INPP5D: variants seen among roughly 807,000 people sequenced by gnomAD.
The protein encoded by INPP5D is phosphatidylinositol 3,4,5-trisphosphate 5-phosphatase 1.
A neutral mutation model predicts 122.9 loss-of-function variants in INPP5D; 33 were observed. The ratio of observed to expected loss-of-function variants is 0.27; its 90% CI spans 0.20 to 0.36. INPP5D has a LOEUF of 0.36. Ranked by LOEUF, INPP5D falls within the 10% of genes least tolerant of loss-of-function variation. The pLI, the probability that INPP5D is intolerant of heterozygous loss-of-function variation, is 1.00. For missense variants in INPP5D, 1,053 were observed against 1,412.7 expected (o/e 0.75, Z 4.08); for synonymous variants, 584 against 576.2 (o/e 1.01, Z -0.19).
At chr2:233,204,767 C>A in intron 26 of INPP5D, 50 bp downstream of exon 26, 1 of 1,422,446 alleles carries the variant, frequency 7.0e-7, no homozygotes. Flanking sequence ...TGTGTGCATG[C>A]GTGAGTGCGT....
At chr2:233,142,604 T>C (rs1017061482) in intron 6 of INPP5D, among the ~76,000 whole-genome samples, 2 of 152,250 alleles carry the variant, frequency 1.3e-5, no homozygotes, top group South Asian at 4.1e-4. Context: ...TGCAATGTTA[T>C]CAAAATGCTG....
chr2:233,125,429 A>G (rs1391627280), intron 3 of INPP5D, among the ~76,000 whole-genome samples: 2 of 152,208 alleles, frequency 1.3e-5, no homozygotes, highest in Non-Finnish European at 2.9e-5. Context: ...AGCCAGACTC[A>G]TCCTGCTCAC....
chr2:233,157,301 C>T (rs1024453038), intron 9 of INPP5D, among the ~76,000 whole-genome samples: 5 of 152,116 alleles, frequency 3.3e-5, no homozygotes, highest in Admixed American at 6.6e-5. Flanking sequence ...GGCTGTGCCT[C>T]GGCCCTTGAA....
chr2:233,136,602 T>C (rs2106269344), intron 5 of INPP5D, among the ~76,000 whole-genome samples: 1 of 152,236 alleles, frequency 6.6e-6, no homozygotes, highest in Non-Finnish European at 1.5e-5. Context: ...GCAAAGTACA[T>C]GAAATGTTGA....
At chr2:233,060,728 T>G in intron 1 of INPP5D, 116 bp downstream of exon 1, 4 of 1,334,582 alleles carry the variant, frequency 3.0e-6, no homozygotes, top group Non-Finnish European at 4.2e-6. Context: ...ACATGCACAC[T>G]TCCCCGCCAC....
intron 2 of INPP5D, among the ~76,000 whole-genome samples, chr2:233,109,740 A>G (rs1574733318): frequency 2.1e-5 from 3 of 146,238 alleles, no homozygotes; most frequent in African/African-American, 5.1e-5. Flanking sequence ...CACCACGCCC[A>G]GCTATTTTTT....
At chr2:233,065,113 A>C (rs1470941284) in intron 1 of INPP5D, among the ~76,000 whole-genome samples, 3 of 152,096 alleles carry the variant, frequency 2.0e-5, no homozygotes, top group Non-Finnish European at 4.4e-5. Flanking sequence ...TTCACTCACT[A>C]ACTGTATCTT....
Position 233,147,533 on chromosome 2 carries a change from G to T in INPP5D, c.969G>T (p.Gly323=). ...AGCTCAAAGTCGACGTTGAGTCTGGGAAACTGATCATTAAGAAGTCCAAGG... is the reference window on the plus strand; with the variant it reads ...AGCTCAAAGTCGACGTTGAGTCTGGTAAACTGATCATTAAGAAGTCCAAGG... ...KMQLKVDVES[G]KLIIKKSKDG... The change falls in exon 9 of 27, where the codon GGG becomes GGT. Residue 323 remains glycine, a synonymous_variant. Coordinates refer to ENST00000445964, the MANE Select transcript of INPP5D (RefSeq NM_001017915.3). 1.4e-6 allele frequency: 1 copy of T among 704,298 alleles called. No individual in the cohort carries two copies. The highest frequency in any genetic ancestry group is 2.6e-6 in the Non-Finnish European group (1 of 385,018). 43.6% of individuals were successfully genotyped at this position (704,298 alleles called of 1,614,324 possible).
intron 2 of INPP5D, among the ~76,000 whole-genome samples, chr2:233,103,855 T>G (rs1434188345): frequency 6.9e-6 from 1 of 145,142 alleles, no homozygotes; most frequent in East Asian, 2.1e-4. Context: ...TACAGGCATG[T>G]ACCACCATGC....
chr2:233,101,708 A>G (rs555863828), intron 2 of INPP5D, among the ~76,000 whole-genome samples: 1 of 145,950 alleles, frequency 6.9e-6, no homozygotes, highest in South Asian at 2.1e-4. Flanking sequence ...ATATTATATA[A>G]ATAATATATA....
chr2:233,193,136 G>A (rs528373173), intron 22 of INPP5D, among the ~76,000 whole-genome samples: 42 of 152,312 alleles, frequency 2.8e-4, no homozygotes, highest in Middle Eastern at 3.4e-3. Context: ...TGATCAGCCC[G>A]CCTCGGCCTC....
chr2:233,094,728 C>T (rs1466152023), intron 2 of INPP5D, among the ~76,000 whole-genome samples: 2 of 151,932 alleles, frequency 1.3e-5, no homozygotes, highest in African/African-American at 2.4e-5. Flanking sequence ...TCAGAATCAG[C>T]GTTTGAACAA....
intron 1 of INPP5D, among the ~76,000 whole-genome samples, chr2:233,063,581 C>A (rs1691132028): frequency 6.6e-6 from 1 of 152,268 alleles, no homozygotes; most frequent in Admixed American, 6.5e-5. Context: ...AGTGCACATT[C>A]TGCGCACACC....
intron 2 of INPP5D, among the ~76,000 whole-genome samples, chr2:233,096,633 C>A (rs906659381): frequency 3.3e-5 from 5 of 152,164 alleles, no homozygotes; most frequent in African/African-American, 1.2e-4. Flanking sequence ...GCCTGGGTGA[C>A]AGAGCGAGAT....
rs1317200543 is a variant in INPP5D, at chr2:233,204,227, G to C, written c.3077G>C (p.Ser1026Thr). ...GAGAACCCCCTGTATGGGTCCCTGA[G>C]TTCCTTCCCTAAGCCTGCTCCCAGG... Reference protein sequence around the residue: ...MFENPLYGSLSSFPKPAPRKD... With the variant: ...MFENPLYGSLTSFPKPAPRKD... The change falls in exon 26 of 27, where the codon AGT (serine) becomes ACT (threonine). Residue 1026 changes from serine to threonine, a missense_variant. Coordinates refer to ENST00000445964, the MANE Select transcript of INPP5D (RefSeq NM_001017915.3). 1 of 1,613,564 alleles carries C rather than the reference G, an allele frequency of 6.2e-7. No individual in the cohort carries two copies.
At chr2:233,166,303 A>G (rs1379202371) in intron 13 of INPP5D, among the ~76,000 whole-genome samples, 1 of 152,214 alleles carries the variant, frequency 6.6e-6, no homozygotes, top group Non-Finnish European at 1.5e-5. Flanking sequence ...GTTCCTGGTC[A>G]TCCTGGCCTC....
intron 2 of INPP5D, among the ~76,000 whole-genome samples, chr2:233,112,893 G>C (rs975403312): frequency 2.0e-5 from 3 of 152,058 alleles, no homozygotes; most frequent in Admixed American, 6.6e-5. Flanking sequence ...TGGGACCTCA[G>C]GTGATCCACT....
At position 233,146,194 on chromosome 2, in the gene INPP5D, G is replaced by A. The variant is rs751747951; in HGVS notation, c.786G>A (p.Val262=). 1.3e-5 allele frequency: 9 copies of A among 704,102 alleles called. No homozygotes were observed. The highest frequency in any genetic ancestry group is 6.0e-5 in the Admixed American group (3 of 49,996). The allele number at this position is 704,102 out of a possible 1,614,324, so 43.6% of individuals were successfully genotyped here. ...GTGAGGCCAATCCCATCAACATGGT[G>A]TCCAAGCTCAGCCAACTGACAAGCC... ...VPGEANPINM[V]SKLSQLTSLL... The change falls in exon 7 of 27, where the codon GTG becomes GTA. Residue 262 remains valine, a synonymous_variant. Coordinates refer to ENST00000445964, the MANE Select transcript of INPP5D (RefSeq NM_001017915.3).
chr2:233,135,073 C>A, intron 5 of INPP5D, among the ~76,000 whole-genome samples: 1 of 137,766 alleles, frequency 7.3e-6, no homozygotes, highest in African/African-American at 2.9e-5. Context: ...AAAAAATTGC[C>A]AATTAATGTA....
Sources: gnomAD v4.1 joint callset for allele counts (sites outside exome capture counted in the v4.1 genomes callset) on GRCh38, gnomAD v4.1.1 for gene constraint, MANE v1.5 for transcripts, NCBI Gene and HGNC (gene_info 2026-07-23, HGNC 2026-07-21) for gene names.